The following ALDH1A2 variants were observed in gnomAD, a reference collection of about 807,000 sequenced individuals.
ALDH1A2 encodes aldehyde dehydrogenase 1 family member A2.
ALDH1A2 carries 27 observed loss-of-function variants against 60.3 expected under a neutral mutation model. The ratio of observed to expected loss-of-function variants is 0.45; its 90% CI spans 0.33 to 0.62. The LOEUF is 0.62. ALDH1A2 is among the 20% of genes least tolerant of loss of function. ALDH1A2 has a pLI of 0.02. For missense variants in ALDH1A2, 581 were observed against 643.8 expected, an observed-to-expected ratio of 0.90 and a Z score of 1.06; for synonymous variants, 289 against 232.4, an observed-to-expected ratio of 1.24 and a Z score of -2.21.
intron 9 of ALDH1A2, among the ~76,000 whole-genome samples, 190 bp from the exon 10 acceptor site, chr15:57,962,366 A>C (rs1355664205): frequency 6.6e-6 from 1 of 152,200 alleles, no homozygotes; most frequent in Non-Finnish European, 1.5e-5. Context: ...GGTTAATCCT[A>C]ATATATCGAC....
intron 4 of ALDH1A2, among the ~76,000 whole-genome samples, chr15:57,999,295 C>T (rs1273182068): frequency 6.6e-6 from 1 of 152,006 alleles, no homozygotes; most frequent in Non-Finnish European, 1.5e-5. Context: ...ATCTATGCAT[C>T]TGACAAAGGT....
intron 1 of ALDH1A2, among the ~76,000 whole-genome samples, chr15:58,058,559 T>C (rs1896951231): frequency 6.6e-6 from 1 of 151,712 alleles, no homozygotes; most frequent in South Asian, 2.1e-4. Flanking sequence ...ATAAAATATA[T>C]TAAAATATAA....
At chr15:58,034,145 T>C (rs1896316928) in intron 1 of ALDH1A2, among the ~76,000 whole-genome samples, 1 of 151,752 alleles carries the variant, frequency 6.6e-6, no homozygotes. Context: ...TTACATCTCC[T>C]TTGATTTCTT....
intron 1 of ALDH1A2, among the ~76,000 whole-genome samples, chr15:58,023,085 T>C (rs545953290): frequency 2.6e-5 from 4 of 151,782 alleles, no homozygotes; most frequent in African/African-American, 7.3e-5. Flanking sequence ...ATTCTGAACA[T>C]AAAAAATCAG....
intron 7 of ALDH1A2, chr15:57,980,286 G>C (rs1215187289): frequency 2.5e-6 from 1 of 399,868 alleles, no homozygotes; most frequent in Admixed American, 2.6e-5. Context: ...AGAGACACCT[G>C]CATGTGCCTC....
intron 4 of ALDH1A2, among the ~76,000 whole-genome samples, chr15:58,001,390 A>G (rs1895264842): frequency 6.6e-6 from 1 of 151,962 alleles, no homozygotes; most frequent in African/African-American, 2.4e-5. Flanking sequence ...TAAACAAAGA[A>G]AAAACCTCAA....
chr15:57,965,521 T>C (rs1443639845), intron 8 of ALDH1A2, among the ~76,000 whole-genome samples: 7 of 152,212 alleles, frequency 4.6e-5, no homozygotes, highest in Non-Finnish European at 7.3e-5. Flanking sequence ...AAATGGCTCA[T>C]TAGTGTCTAG....
chr15:58,024,015 C>T (rs1157975149), intron 1 of ALDH1A2, among the ~76,000 whole-genome samples: 1 of 152,134 alleles, frequency 6.6e-6, no homozygotes, highest in African/African-American at 2.4e-5. Context: ...ATCGCTTGAA[C>T]CTGGGAGGTG....
At chr15:57,967,709 C>A (rs561538421) in intron 7 of ALDH1A2, among the ~76,000 whole-genome samples, 1 of 152,218 alleles carries the variant, frequency 6.6e-6, no homozygotes, top group Non-Finnish European at 1.5e-5. Flanking sequence ...GAAAACATGA[C>A]TTACCAAGGT....
intron 4 of ALDH1A2, among the ~76,000 whole-genome samples, chr15:58,004,195 G>C (rs1221548158): frequency 1.3e-5 from 2 of 151,812 alleles, no homozygotes; most frequent in African/African-American, 2.4e-5. Flanking sequence ...AATTAAGCAG[G>C]TATTTGCTCT....
At chr15:58,029,655 G>T (rs1896178405) in intron 1 of ALDH1A2, among the ~76,000 whole-genome samples, 1 of 150,552 alleles carries the variant, frequency 6.6e-6, no homozygotes, top group African/African-American at 2.4e-5. Context: ...TATACTGCTA[G>T]CAAGACTAAT....
Position 58,065,582 on chromosome 15 carries a change from C to T in ALDH1A2, c.69G>A (p.Leu23=). 6.2e-7 allele frequency: 1 copy of T among 1,613,226 alleles called. No individual in the cohort carries two copies. Among genetic ancestry groups the T allele is most frequent in the Non-Finnish European group, 8.5e-7 (1 of 1,179,512 alleles). ...KADPAALMAS[L]HLLPSPTPNL... ...TGGGCGTGGGCGACGGCAGGAGGTG[C>T]AGCGACGCCATGAGGGCGGCGGGGT... is the stretch of plus-strand genomic sequence containing the variant. The change falls in exon 1 of 13, where the codon CTG becomes CTA. Residue 23 remains leucine, a synonymous_variant. Coordinates refer to ENST00000249750, the MANE Select transcript of ALDH1A2 (RefSeq NM_003888.4).
intron 12 of ALDH1A2, among the ~76,000 whole-genome samples, chr15:57,957,437 T>C (rs1016762963): frequency 3.3e-5 from 5 of 152,224 alleles, no homozygotes; most frequent in African/African-American, 1.2e-4. Flanking sequence ...TCAGAGGTCA[T>C]TGAGCCCTGA....
chr15:57,986,571 CAAAAAAAAAAAA>C (rs71116542), intron 7 of ALDH1A2, among the ~76,000 whole-genome samples: 1,217 of 82,108 alleles, frequency 0.015, 21 homozygotes, highest in African/African-American at 0.031. Context: ...ACAGAAAAGC[CAAAAAAAAAAAA>C]AAAAAAAAAA....
At chr15:58,007,695 T>C (rs1895503799) in intron 4 of ALDH1A2, among the ~76,000 whole-genome samples, 1 of 152,014 alleles carries the variant, frequency 6.6e-6, no homozygotes, top group Non-Finnish European at 1.5e-5. Flanking sequence ...TCTTTATAAT[T>C]CCCAACATAA....
intron 12 of ALDH1A2, 26 bp downstream of exon 12, chr15:57,960,744 C>T (rs1187067256): frequency 6.3e-6 from 10 of 1,595,078 alleles, no homozygotes; most frequent in Non-Finnish European, 8.6e-6. Flanking sequence ...TATTTCTCTG[C>T]AGGCATCAGC....
chr15:57,989,361 A>G (rs943403587), intron 7 of ALDH1A2, among the ~76,000 whole-genome samples: 12 of 152,336 alleles, frequency 7.9e-5, no homozygotes, highest in African/African-American at 2.9e-4. Flanking sequence ...TAATATGGAC[A>G]TGTAATGTTA....
At chr15:57,978,333 C>T (rs1221712068) in intron 7 of ALDH1A2, among the ~76,000 whole-genome samples, 5 of 152,132 alleles carry the variant, frequency 3.3e-5, no homozygotes, top group East Asian at 3.9e-4. Flanking sequence ...GTGGGTTTGT[C>T]TTAAATAGCT....
intron 11 of ALDH1A2, 71 bp downstream of exon 11, chr15:57,961,066 G>A: frequency 1.3e-6 from 2 of 1,585,706 alleles, no homozygotes; most frequent in Non-Finnish European, 1.7e-6. Flanking sequence ...CTTCCAAGGA[G>A]ATACTTGTTT....
Sources: allele counts gnomAD v4.1 joint callset (sites outside exome capture counted in the v4.1 genomes callset), GRCh38; gene constraint gnomAD v4.1.1; transcripts MANE v1.5; gene names NCBI Gene and HGNC (gene_info 2026-07-23, HGNC 2026-07-21).